Variants in ZNF185 observed in about 807,000 individuals in gnomAD.
The protein encoded by ZNF185 is zinc finger protein 185 with LIM domain.
Under a neutral mutation model 58.6 loss-of-function variants are expected in ZNF185, and 56 were observed. The observed-to-expected ratio is 0.95, with a 90% confidence interval of 0.77 to 1.19. ZNF185 has a LOEUF of 1.19. Ranked by LOEUF, ZNF185 falls within the 50% of genes most tolerant of loss-of-function variation. The probability of loss-of-function intolerance (pLI) is 0.00; values close to 1 mark genes in which losing one functional copy is unlikely to be tolerated. For synonymous variants in ZNF185, 230 were observed against 215.9 expected, an observed-to-expected ratio of 1.07 and a Z score of -0.57; for missense variants, 627 against 573.5, an observed-to-expected ratio of 1.09 and a Z score of -0.95.
At chrX:152,969,420 T>C (rs1569518699) in exon 21 of ZNF185, 1 of 1,208,510 alleles carries the variant, frequency 8.3e-7, no homozygotes, top group Non-Finnish European at 1.1e-6. Context: ...AACCGTGAGA[T>C]CCGAGACTGT....
exon 23 of ZNF185, chrX:152,972,152 C>A (rs1556919849): frequency 8.9e-6 from 1 of 112,252 alleles, no homozygotes; most frequent in Non-Finnish European, 1.9e-5. Flanking sequence ...TGGCATTAAT[C>A]CCCATAATAA....
At chrX:152,938,001 C>T in intron 14 of ZNF185, 73 bp from the exon 17 acceptor site, 1 of 1,019,970 alleles carries the variant, frequency 9.8e-7, no homozygotes, top group Non-Finnish European at 1.3e-6. Context: ...GAGAAGGCAG[C>T]CTGGAGGGGG....
At chrX:152,954,411 A>G (rs782759584) in intron 16 of ZNF185, among the ~76,000 whole-genome samples, 1 of 112,345 alleles carries the variant, frequency 8.9e-6, no homozygotes, top group South Asian at 3.7e-4. Context: ...AGGAGAGGGT[A>G]AAAAGCAGAC....
Position 152,970,628 on chromosome X carries a change from C to T in ZNF185, c.*87C>T, listed in dbSNP as rs1460091284. 4 of 793,369 alleles carry T rather than the reference C, an allele frequency of 5.0e-6. No homozygotes were observed. In the African/African-American group the frequency reaches 6.2e-5, roughly 12 times the overall value. 65.4% of individuals were successfully genotyped at this position (793,369 alleles called of 1,213,427 possible). On this transcript the variant is annotated intron_variant, in intron 22 of 22. Coordinates refer to ENST00000449285, the Ensembl canonical transcript of ZNF185. Reference sequence around the variant, plus strand: ...CCTGGTCTCTCCTGGAGTCTCAGCCCCAGACACAGCTATCTTTCTTGGCTC... The same window carrying T: ...CCTGGTCTCTCCTGGAGTCTCAGCCTCAGACACAGCTATCTTTCTTGGCTC...
At chrX:152,942,357 C>A (rs1387508349) in intron 15 of ZNF185, among the ~76,000 whole-genome samples, 1 of 111,681 alleles carries the variant, frequency 9.0e-6, no homozygotes, top group Non-Finnish European at 1.9e-5. Flanking sequence ...CTGTCACTTA[C>A]AAGCACCGTG....
At position 152,937,467 on chromosome X, in the gene ZNF185, G is replaced by A. The variant is rs782781159; in HGVS notation, c.1122-607G>A. On this transcript the variant is annotated intron_variant, in intron 14 of 22. Transcript: ENST00000449285. ...CACGGGCAAGCCAAGCTGTGTCCTG[G>A]CTCCCCTCTGTCCTGGCTCCCCTCT... Among the ~76,000 whole-genome samples, 182 of 108,279 alleles carry A rather than the reference G, an allele frequency of 1.7e-3. 1 individual carries two copies. The highest frequency in any genetic ancestry group is 2.5e-3 in the Non-Finnish European group (129 of 52,263). The allele number at this position is 108,279 out of a possible 115,157, so 94.0% of individuals were successfully genotyped here. A position where few individuals can be genotyped will look rare whatever the true frequency, so the allele number is the denominator to read the frequency against.
intron 14 of ZNF185, among the ~76,000 whole-genome samples, chrX:152,936,877 A>G (rs1442986129): frequency 2.7e-5 from 3 of 110,230 alleles, no homozygotes; most frequent in African/African-American, 9.9e-5. Context: ...GGAGTCAGGG[A>G]GAAGATTCCC....
At chrX:152,945,698 C>T (rs782198605) in intron 16 of ZNF185, among the ~76,000 whole-genome samples, 1 of 111,522 alleles carries the variant, frequency 9.0e-6, no homozygotes, top group East Asian at 2.8e-4. Flanking sequence ...GTGTCTGTCC[C>T]CAGGTGTGAG....
chrX:152,968,334 A>AC (rs1421554113), intron 20 of ZNF185, among the ~76,000 whole-genome samples: 2 of 112,018 alleles, frequency 1.8e-5, no homozygotes, highest in Admixed American at 1.9e-4. Context: ...TACTCTAGGG[A>AC]CCCCCCTTTC....
intron 14 of ZNF185, 87 bp downstream of exon 16, chrX:152,936,600 C>A: frequency 3.6e-6 from 3 of 824,647 alleles, no homozygotes; most frequent in East Asian, 7.0e-5. Flanking sequence ...ACCCCAGGAT[C>A]CCCCTCGAAC....
chrX:152,968,876 G>A (rs2050391248), intron 20 of ZNF185, among the ~76,000 whole-genome samples: 1 of 112,210 alleles, frequency 8.9e-6, no homozygotes, highest in Non-Finnish European at 1.9e-5. Context: ...TAGAACTTCA[G>A]TGTCGGATCT....
At chrX:152,968,853 A>C in intron 20 of ZNF185, among the ~76,000 whole-genome samples, 1 of 112,456 alleles carries the variant, frequency 8.9e-6, no homozygotes, top group Non-Finnish European at 1.9e-5. Context: ...TGCTCAACCC[A>C]GGAGTCAGTA....
intron 3 of ZNF185, among the ~76,000 whole-genome samples, chrX:152,915,911 C>T (rs1407139256): frequency 8.9e-6 from 1 of 111,796 alleles, no homozygotes; most frequent in Non-Finnish European, 1.9e-5. Context: ...GCAGTGGCGG[C>T]CTCTGGAAGG....
intron 16 of ZNF185, among the ~76,000 whole-genome samples, chrX:152,951,280 G>A (rs1227906419): frequency 4.5e-5 from 5 of 111,235 alleles, no homozygotes; most frequent in African/African-American, 1.3e-4. Context: ...TATTTTAACA[G>A]AGAAACCAAC....
chrX:152,939,040 G>C (rs894100036), intron 15 of ZNF185, among the ~76,000 whole-genome samples: 3 of 111,860 alleles, frequency 2.7e-5, no homozygotes, highest in Admixed American at 1.9e-4. Context: ...AGCTTGGCCA[G>C]TGAGGAGGGC....
chrX:152,939,245 G>T (rs1167964764), intron 15 of ZNF185, among the ~76,000 whole-genome samples: 1 of 98,591 alleles, frequency 1.0e-5, no homozygotes, highest in African/African-American at 3.5e-5. Flanking sequence ...GATATCTAAG[G>T]TATGAGGCCT....
intron 22 of ZNF185, 137 bp from the exon 25 acceptor site, chrX:152,971,137 C>G (rs1395322268): frequency 8.9e-6 from 1 of 112,283 alleles, no homozygotes; most frequent in Non-Finnish European, 1.9e-5. Context: ...TTTCCACTAG[C>G]TCCATGCTGA....
intron 9 of ZNF185, among the ~76,000 whole-genome samples, 153 bp from the exon 11 acceptor site, chrX:152,922,020 C>T (rs781956973): frequency 1.8e-5 from 2 of 111,513 alleles, no homozygotes; most frequent in African/African-American, 3.3e-5. Context: ...TTATCCTGAG[C>T]TGGAGTCACT....
chrX:152,900,860 G>A, the ZNF185 span, among the ~76,000 whole-genome samples: 1 of 112,381 alleles, frequency 8.9e-6, no homozygotes, highest in African/African-American at 3.2e-5. Context: ...TGCAAAGTTC[G>A]GCCCTTCATG....
Sources: gnomAD v4.1 joint callset for allele counts (sites outside exome capture counted in the v4.1 genomes callset) on GRCh38, gnomAD v4.1.1 for gene constraint, MANE v1.5 for transcripts, NCBI Gene and HGNC (gene_info 2026-07-23, HGNC 2026-07-21) for gene names.